Variants in NCOR2 observed in about 807,000 individuals in gnomAD.
The protein encoded by NCOR2 is nuclear receptor corepressor 2, also known as CTG repeat protein 26.
Under a neutral mutation model 262.9 loss-of-function variants are expected in NCOR2, and 81 were observed. That is an observed-to-expected ratio of 0.31 (90% CI 0.26 to 0.37). NCOR2 has a LOEUF of 0.37. Ranked by LOEUF, NCOR2 falls within the 10% of genes least tolerant of loss-of-function variation. The pLI, the probability that NCOR2 is intolerant of heterozygous loss-of-function variation, is 1.00. For synonymous variants in NCOR2, 1,659 were observed against 1,559.3 expected (o/e 1.06, Z -1.51); for missense variants, 3,385 against 3,621.4 (o/e 0.93, Z 1.68).
Position 124,486,586 on chromosome 12 carries a change from G to C in NCOR2, c.106-18C>G. 1 of 1,556,200 alleles carries C rather than the reference G, an allele frequency of 6.4e-7. No individual in the cohort carries two copies. Among genetic ancestry groups the C allele is most frequent in the Non-Finnish European group, 8.7e-7 (1 of 1,152,594 alleles). On this transcript the variant is annotated intron_variant, in intron 1 of 46. Transcript: ENST00000405201. The stretch of plus-strand genomic sequence containing the variant: ...CCGACGTCCTGCAGGAGGGGACAGA[G>C]GAGTGGTGAGCGTGGGCGGGCACGG...
chr12:124,334,192 G>T (rs1452252216), intron 41 of NCOR2, among the ~76,000 whole-genome samples: 1 of 152,186 alleles, frequency 6.6e-6, no homozygotes, highest in Non-Finnish European at 1.5e-5. Flanking sequence ...TGTGTAAAGG[G>T]TACACGTGAG....
rs1333572991 is a variant in NCOR2, at chr12:124,495,059, C to T, written c.105+88G>A. The T allele has an allele frequency of 2.0e-5, 30 of 1,509,316 alleles. No individual in the cohort carries two copies. The highest frequency in any genetic ancestry group is 2.6e-5 in the Non-Finnish European group (29 of 1,116,884). 93.5% of individuals were successfully genotyped at this position (1,509,316 alleles called of 1,614,324 possible). Reference sequence around the variant, plus strand: ...GGCTCAGAGCCACATGAGCCTGGCTCCCAGGAGAAAGGAAGGGGTGAAGAC... The same window carrying T: ...GGCTCAGAGCCACATGAGCCTGGCTTCCAGGAGAAAGGAAGGGGTGAAGAC... On this transcript the variant is annotated intron_variant, in intron 1 of 46. Coordinates refer to ENST00000405201, the Ensembl canonical transcript of NCOR2. This position sits in a 1 kb window ranked among gnomAD's most constrained non-coding sequence, Gnocchi z 4.4.
chr12:124,449,820 G>A, exon 7 of NCOR2: 1 of 1,614,090 alleles, frequency 6.2e-7, no homozygotes, highest in Non-Finnish European at 8.5e-7. Flanking sequence ...CTCACATTTT[G>A]ATGTTCTCAT....
At chr12:124,499,058 A>G (rs866196078), upstream of NCOR2, among the ~76,000 whole-genome samples, 1 of 152,234 alleles carries the variant, frequency 6.6e-6, no homozygotes, top group African/African-American at 2.4e-5. Context: ...AACTTGATAG[A>G]GGAGGCGGGT....
chr12:124,427,652 C>T (rs1247804819), intron 10 of NCOR2, among the ~76,000 whole-genome samples: 3 of 152,152 alleles, frequency 2.0e-5, no homozygotes, highest in Non-Finnish European at 4.4e-5. Flanking sequence ...GGGAGAGAAT[C>T]CCCCCAAGAG....
intron 1 of NCOR2, among the ~76,000 whole-genome samples, chr12:124,545,811 G>GA (rs1311340448): frequency 6.6e-6 from 1 of 152,000 alleles, no homozygotes; most frequent in Non-Finnish European, 1.5e-5. Context: ...GGGGGTGGGG[G>GA]ACGAGTGGCG....
intron 24 of NCOR2, 94 bp from the exon 27 acceptor site, chr12:124,355,033 G>T: frequency 9.4e-7 from 1 of 1,061,228 alleles, no homozygotes; most frequent in Non-Finnish European, 1.4e-6. Context: ...GCCCACGTGT[G>T]GGTCAGAGGC....
intron 1 of NCOR2, among the ~76,000 whole-genome samples, chr12:124,527,701 A>G (rs1275328640): frequency 6.6e-6 from 1 of 152,168 alleles, no homozygotes; most frequent in African/African-American, 2.4e-5. Flanking sequence ...TACATTACAG[A>G]CGTGAGCCAC....
chr12:124,478,385 A>G (rs950090814), intron 3 of NCOR2, among the ~76,000 whole-genome samples: 3 of 152,222 alleles, frequency 2.0e-5, no homozygotes, highest in African/African-American at 7.2e-5. Flanking sequence ...TAAAGTCCCC[A>G]AAACAAAGTT....
intron 22 of NCOR2, 24 bp downstream of exon 24, chr12:124,362,102 A>G (rs370962852): frequency 7.8e-7 from 1 of 1,280,622 alleles, no homozygotes; most frequent in Non-Finnish European, 9.9e-7. Context: ...CCCCAGCCCC[A>G]CTCAGCCACT....
intron 16 of NCOR2, among the ~76,000 whole-genome samples, chr12:124,395,372 T>C (rs1395634013): frequency 6.7e-6 from 1 of 150,326 alleles, no homozygotes; most frequent in East Asian, 2.0e-4. Flanking sequence ...CACACAGCCA[T>C]TAGCAGCCAC....
chr12:124,391,650 C>T (rs1487395900), intron 16 of NCOR2, among the ~76,000 whole-genome samples: 2 of 152,314 alleles, frequency 1.3e-5, no homozygotes, highest in Non-Finnish European at 2.9e-5. Context: ...CCTGGACTTG[C>T]ACCTCCCCAC....
chr12:124,335,751 G>A (rs1372822837), intron 38 of NCOR2, 119 bp from the exon 41 acceptor site: 1 of 1,217,638 alleles, frequency 8.2e-7, no homozygotes, highest in Non-Finnish European at 1.1e-6. Context: ...CCCAAGCTAG[G>A]GGTAGGGTTT....
At chr12:124,527,423 T>A (rs529157233) in intron 1 of NCOR2, among the ~76,000 whole-genome samples, 2 of 152,166 alleles carry the variant, frequency 1.3e-5, no homozygotes, top group Admixed American at 1.3e-4. Context: ...ATTTTTTATT[T>A]ATTTTTTTTT....
rs1344806464 is a variant in NCOR2 at position 124,335,284 on chromosome 12, C to T, written c.6266-4G>A. ...TCCCCGCCAAGCTTCACGGGGCCTGCAGGCAGAGCAGAGCTGGTCAGGGGG... is the reference window on the plus strand; with the variant it reads ...TCCCCGCCAAGCTTCACGGGGCCTGTAGGCAGAGCAGAGCTGGTCAGGGGG... On this transcript the variant is annotated splice_polypyrimidine_tract_variant and splice_region_variant and intron_variant, in intron 39 of 46. Transcript: ENST00000405201. The T allele has an allele frequency of 1.9e-6, 3 of 1,588,622 alleles. No individual in the cohort carries two copies. The highest frequency in any genetic ancestry group is 3.5e-5 in the Admixed American group (2 of 56,580).
chr12:124,563,109 G>A (rs897161873), intron 1 of NCOR2, among the ~76,000 whole-genome samples: 3 of 152,226 alleles, frequency 2.0e-5, no homozygotes, highest in African/African-American at 7.2e-5. Context: ...GGCCGGCAAT[G>A]TGCCCATTTT....
At chr12:124,346,421 C>A (rs1324787012) in intron 31 of NCOR2, 143 bp downstream of exon 33, 5 of 922,816 alleles carry the variant, frequency 5.4e-6, no homozygotes, top group Non-Finnish European at 7.5e-6. Flanking sequence ...CAGCTGAGGC[C>A]CGGTGATGAG....
At chr12:124,486,534 C>A (rs756284508) in exon 2 of NCOR2, 12 of 1,595,028 alleles carry the variant, frequency 7.5e-6, no homozygotes, top group Non-Finnish European at 1.0e-5. Context: ...GGCATAGTCG[C>A]GGGAGTGGTG....
chr12:124,448,713 AT>A lies in NCOR2; in HGVS notation c.815+1101del, dbSNP rs557818920. Among the ~76,000 whole-genome samples the A allele has an allele frequency of 3.3e-3, 499 of 152,298 alleles. 2 individuals carry two copies. The highest frequency in any genetic ancestry group is 0.011 in the African/African-American group (472 of 41,540). On this transcript the variant is annotated intron_variant, in intron 7 of 46. Transcript: ENST00000405201. Reference sequence around the variant, plus strand: ...AACTCTGGAAACTACAACAGCAGCGATCTCCCCGTCGACTAGTCCAGCACCA... The same window carrying A: ...AACTCTGGAAACTACAACAGCAGCGACTCCCCGTCGACTAGTCCAGCACCA...
Sources: allele counts gnomAD v4.1 joint callset (sites outside exome capture counted in the v4.1 genomes callset), GRCh38; gene constraint gnomAD v4.1.1; non-coding constraint Gnocchi (gnomAD v3.1); transcripts MANE v1.5; gene names NCBI Gene and HGNC (gene_info 2026-07-23, HGNC 2026-07-21).